Variants in MFSD11 observed in about 807,000 individuals in gnomAD.
MFSD11 encodes major facilitator superfamily domain containing 11, also known as UNC93-like protein MFSD11.
A neutral mutation model predicts 53.5 loss-of-function variants in MFSD11; 36 were observed. The observed-to-expected ratio is 0.67, with a 90% CI of 0.52 to 0.89. The LOEUF (loss-of-function observed/expected upper bound fraction) is 0.89, where lower values mean the gene tolerates loss of function less well. Ranked by LOEUF, MFSD11 falls within the 40% of genes least tolerant of loss-of-function variation. The pLI is 0.00. For missense variants in MFSD11, 530 were observed against 543.9 expected (o/e 0.97, Z 0.25); for synonymous variants, 186 against 184.9 (o/e 1.01, Z -0.05).
At chr17:76,801,572 G>T in the MFSD11 span, among the ~76,000 whole-genome samples, 1 of 151,284 alleles carries the variant, frequency 6.6e-6, no homozygotes, top group Non-Finnish European at 1.5e-5. Context: ...TCAGGCTCCC[G>T]AGTAGCTGGG....
Position 76,741,010 on chromosome 17 carries a change from T to C in MFSD11, c.206T>C (p.Val69Ala), listed in dbSNP as rs748681449. 8.7e-6 allele frequency: 14 copies of C among 1,613,518 alleles called. No homozygotes were observed. The African/African-American group carries it at 1.7e-4, about 20-fold the overall frequency. The change falls in exon 3 of 13, where the codon GTG (valine) becomes GCG (alanine). Residue 69 changes from valine to alanine, a missense_variant. Val to Ala is a moderately conservative substitution (Grantham distance 64). Transcript: ENST00000685175. ...GCTTCAAATTTGATTACACCGTCAG[T>C]GGTTGCCATTGTAGGACCTCAACTC... is the stretch of plus-strand genomic sequence containing the variant. The part of the protein sequence containing the change: ...FSASNLITPS[V>A]VAIVGPQLSM...
rs150409621 is a variant in MFSD11 at position 76,747,001 on chromosome 17, C to T, written c.641+2535C>T. 9.0e-3 allele frequency among the ~76,000 whole-genome samples: 1,343 copies of T among 148,704 alleles called. 20 individuals are homozygous for T. Among genetic ancestry groups the T allele is most frequent in the African/African-American group, 0.032 (1,241 of 38,276 alleles). On this transcript the variant is annotated intron_variant, in intron 7 of 12. Transcript: ENST00000685175. ...TCGGCTCACTGCAACCTCTGCCTCC[C>T]GGGTTCAAGAGATTCCTCCTGCCTC... is the stretch of plus-strand genomic sequence containing the variant.
chr17:76,742,149 C>CTT, intron 4 of MFSD11, 28 bp from the exon 5 acceptor site: 1 of 1,613,774 alleles, frequency 6.2e-7, no homozygotes, highest in Non-Finnish European at 8.5e-7. Flanking sequence ...ATTTCTTTCC[C>CTT]TTGATAAACT....
chr17:76,761,577 C>A (rs912934204), intron 8 of MFSD11, among the ~76,000 whole-genome samples: 1 of 152,106 alleles, frequency 6.6e-6, no homozygotes, highest in Non-Finnish European at 1.5e-5. Context: ...TAGAAAAAGA[C>A]TGGAAGAAGA....
At chr17:76,749,429 T>G (rs1464906096) in intron 7 of MFSD11, among the ~76,000 whole-genome samples, 1 of 151,452 alleles carries the variant, frequency 6.6e-6, no homozygotes, top group Non-Finnish European at 1.5e-5. Flanking sequence ...CTTGAGAGAC[T>G]GAGGTGGGAG....
rs754847457 is a variant in MFSD11 at position 76,738,961 on chromosome 17, T to C, written c.120T>C (p.Asn40=). Residue 40 remains asparagine, a synonymous_variant, in exon 2 of 13, where the codon AAT becomes AAC. Coordinates refer to ENST00000685175, the MANE Select transcript of MFSD11 (RefSeq NM_001242532.5). ...AGCAAACTGTCATCAGGAGCTTAAATAGGACAGATTTTCACGGCAGTGGAT... is the reference window on the plus strand; with the variant it reads ...AGCAAACTGTCATCAGGAGCTTAAACAGGACAGATTTTCACGGCAGTGGAT... The part of the protein sequence containing the change: ...NVAQTVIRSL[N]RTDFHGSGYT... 38 of 1,614,110 alleles carry C rather than the reference T, an allele frequency of 2.4e-5. No individual in the cohort carries two copies. The South Asian group carries it at 4.1e-4, about 17-fold the overall frequency.
At chr17:76,738,826 T>C in intron 1 of MFSD11, 112 bp from the exon 2 acceptor site, 1 of 806,492 alleles carries the variant, frequency 1.2e-6, no homozygotes, top group South Asian at 1.5e-5. Context: ...CAGTATTAAG[T>C]ACATTATGAA....
chr17:76,787,206 A>T, the MFSD11 span, among the ~76,000 whole-genome samples: 2 of 139,772 alleles, frequency 1.4e-5, no homozygotes, highest in Admixed American at 7.6e-5. Context: ...TGTGATCTCG[A>T]CTCACCGCAA....
chr17:76,797,562 T>A, the MFSD11 span, among the ~76,000 whole-genome samples: 16 of 152,186 alleles, frequency 1.1e-4, no homozygotes, highest in Admixed American at 1.0e-3. Context: ...TTTTACAGCA[T>A]CCTGTTGTAT....
At chr17:76,743,311 C>A in intron 5 of MFSD11, 87 bp from the exon 6 acceptor site, 1 of 893,610 alleles carries the variant, frequency 1.1e-6, no homozygotes, top group Non-Finnish European at 1.7e-6. Context: ...CCCTCTCTTA[C>A]AACAAATAAT....
chr17:76,781,493 C>T (rs1045512446), downstream of MFSD11: 1 of 152,216 alleles, frequency 6.6e-6, no homozygotes, highest in Non-Finnish European at 1.5e-5. Flanking sequence ...AGGCTGCCCA[C>T]CTTGTCACCT....
At chr17:76,774,331 C>T (rs1331265618) in intron 10 of MFSD11, among the ~76,000 whole-genome samples, 1 of 151,448 alleles carries the variant, frequency 6.6e-6, no homozygotes, top group Non-Finnish European at 1.5e-5. Flanking sequence ...TCAAGCAATT[C>T]TCCCACCTTG....
intron 8 of MFSD11, among the ~76,000 whole-genome samples, chr17:76,758,428 C>CA (rs2079862826): frequency 6.6e-6 from 1 of 151,650 alleles, no homozygotes; most frequent in Admixed American, 6.6e-5. Flanking sequence ...ACAAAAGGTA[C>CA]AAAAATTAGC....
At chr17:76,749,372 T>A (rs927951039) in intron 7 of MFSD11, among the ~76,000 whole-genome samples, 47 of 149,406 alleles carry the variant, frequency 3.1e-4, no homozygotes, top group Admixed American at 6.7e-5. Flanking sequence ...AAAAAAAAAA[T>A]ACAAAAATTA....
chr17:76,764,189 A>G (rs761563631), intron 8 of MFSD11, among the ~76,000 whole-genome samples: 2 of 152,182 alleles, frequency 1.3e-5, no homozygotes, highest in Non-Finnish European at 2.9e-5. Flanking sequence ...ACATTGTGAA[A>G]TGATGGTCAC....
intron 7 of MFSD11, among the ~76,000 whole-genome samples, chr17:76,746,195 A>G (rs2078529764): frequency 6.6e-6 from 1 of 152,258 alleles, no homozygotes; most frequent in Admixed American, 6.5e-5. Context: ...AGATCAACCC[A>G]GCCACAACAT....
chr17:76,774,958 C>A, intron 10 of MFSD11, 39 bp from the exon 11 acceptor site: 2 of 1,591,812 alleles, frequency 1.3e-6, no homozygotes, highest in Admixed American at 1.7e-5. Context: ...TGTGATGTTT[C>A]GGCAACATTA....
At chr17:76,766,418 C>CAAA (rs1178883099) in intron 8 of MFSD11, among the ~76,000 whole-genome samples, 4 of 58,466 alleles carry the variant, frequency 6.8e-5, no homozygotes, top group African/African-American at 1.2e-4. Context: ...GACTCTGTCT[C>CAAA]AAAAAAAAAA....
downstream of MFSD11, among the ~76,000 whole-genome samples, chr17:76,783,512 T>TGTTG (rs1396333992): frequency 2.0e-5 from 3 of 152,124 alleles, no homozygotes; most frequent in East Asian, 1.9e-4. Context: ...TAGGAGTTTT[T>TGTTG]GTTGGTTGGT....
Sources: allele counts gnomAD v4.1 joint callset (sites outside exome capture counted in the v4.1 genomes callset), GRCh38; gene constraint gnomAD v4.1.1; transcripts MANE v1.5; gene names NCBI Gene and HGNC (gene_info 2026-07-23, HGNC 2026-07-21).